Variants in RANBP2 observed in about 807,000 individuals in gnomAD.
RANBP2 encodes the protein E3 SUMO-protein ligase RanBP2.
In RANBP2, 57 loss-of-function variants were observed where a neutral mutation model predicts 303.6. That is an observed-to-expected ratio of 0.19 (90% CI 0.15 to 0.23). The LOEUF is 0.23. Ranked by LOEUF, RANBP2 falls within the 10% of genes least tolerant of loss-of-function variation. The pLI is 1.00. For synonymous variants in RANBP2, 1,167 were observed against 1,301.5 expected (o/e 0.90, Z 2.23); for missense variants, 3,138 against 3,780.8 (o/e 0.83, Z 4.46).
chr2:108,786,682 T>TCCCC (rs1553504714), downstream of RANBP2: 1 of 731,642 alleles, frequency 1.4e-6, no homozygotes, highest in African/African-American at 1.8e-5. Context: ...AGTCTCCGGG[T>TCCCC]CGCCCCGCCC....
chr2:109,360,139 C>T, the RANBP2 span, among the ~76,000 whole-genome samples: 1 of 151,844 alleles, frequency 6.6e-6, no homozygotes. Context: ...GAAAGCCTGC[C>T]ATTGTTTGTT....
At chr2:108,913,949 C>CAAA in the RANBP2 span, among the ~76,000 whole-genome samples, 83,142 of 108,682 alleles carry the variant, frequency 0.77, 33,107 homozygotes, top group East Asian at 0.88. Context: ...GATTCCGTCT[C>CAAA]AAAAAAAAAA....
the RANBP2 span, among the ~76,000 whole-genome samples, chr2:108,815,276 A>G: frequency 6.6e-6 from 1 of 152,050 alleles, no homozygotes; most frequent in Non-Finnish European, 1.5e-5. Context: ...GTGGTGATTC[A>G]TGCTCTTAAG....
the RANBP2 span, among the ~76,000 whole-genome samples, chr2:108,815,326 G>A: frequency 2.2e-4 from 33 of 151,756 alleles, no homozygotes; most frequent in Non-Finnish European, 3.8e-4. Context: ...TATCAAACTT[G>A]GATAAAGAAT....
the RANBP2 span, among the ~76,000 whole-genome samples, chr2:109,410,245 T>A: frequency 6.6e-6 from 1 of 152,188 alleles, no homozygotes; most frequent in Non-Finnish European, 1.5e-5. Flanking sequence ...ATGAAACACA[T>A]CGCCGTCACA....
At chr2:108,990,455 AAAAT>A in the RANBP2 span, among the ~76,000 whole-genome samples, 18 of 151,116 alleles carry the variant, frequency 1.2e-4, 1 homozygote. Context: ...AAAAAAAAAA[AAAAT>A]ATACAAAAAT....
At chr2:109,340,000 C>G in the RANBP2 span, among the ~76,000 whole-genome samples, 1 of 152,140 alleles carries the variant, frequency 6.6e-6, no homozygotes. Context: ...AGGAATTTGC[C>G]CACCTTGCTA....
the RANBP2 span, among the ~76,000 whole-genome samples, chr2:109,522,416 C>A: frequency 1.3e-5 from 2 of 151,960 alleles, no homozygotes; most frequent in Non-Finnish European, 2.9e-5. Context: ...CTCAGCCCCA[C>A]CCCCCAAGTA....
the RANBP2 span, among the ~76,000 whole-genome samples, chr2:109,242,252 A>G: frequency 2.0e-5 from 3 of 152,016 alleles, no homozygotes; most frequent in Non-Finnish European, 4.4e-5. Context: ...GGAGCTTTGT[A>G]GTCCTGAGGC....
At chr2:108,809,680 G>A in the RANBP2 span, among the ~76,000 whole-genome samples, 1 of 152,120 alleles carries the variant, frequency 6.6e-6, no homozygotes, top group Non-Finnish European at 1.5e-5. Flanking sequence ...TGTTGATTTT[G>A]TGTCCTTCAA....
chr2:109,142,052 G>GA, the RANBP2 span, among the ~76,000 whole-genome samples: 2 of 151,486 alleles, frequency 1.3e-5, no homozygotes, highest in Admixed American at 6.6e-5. Flanking sequence ...CTGGGGGGGG[G>GA]GTCTCAGGTA....
At chr2:108,834,982 T>C in the RANBP2 span, among the ~76,000 whole-genome samples, 315 of 152,372 alleles carry the variant, frequency 2.1e-3, 2 homozygotes, top group African/African-American at 7.0e-3. Flanking sequence ...AGCTCTTCAA[T>C]TGAAGTCAAA....
At chr2:109,178,806 G>T in the RANBP2 span, among the ~76,000 whole-genome samples, 3 of 152,160 alleles carry the variant, frequency 2.0e-5, no homozygotes, top group African/African-American at 7.2e-5. Flanking sequence ...AATGTTTAAT[G>T]AGCAAAATAA....
At chr2:109,298,303 G>A in the RANBP2 span, among the ~76,000 whole-genome samples, 730 of 133,156 alleles carry the variant, frequency 5.5e-3, 4 homozygotes, top group African/African-American at 0.018. Flanking sequence ...CTAGACAGGC[G>A]GGAAGGGAAG....
At chr2:109,340,582 T>C in the RANBP2 span, among the ~76,000 whole-genome samples, 2 of 152,224 alleles carry the variant, frequency 1.3e-5, no homozygotes, top group Admixed American at 6.5e-5. Context: ...GACCACTTCC[T>C]ACACTTAGAA....
chr2:109,220,759 GAAGATAAT>G, the RANBP2 span, among the ~76,000 whole-genome samples: 1 of 152,186 alleles, frequency 6.6e-6, no homozygotes, highest in Admixed American at 6.5e-5. Context: ...CCAAAAAGTA[GAAGATAAT>G]AAGGGTTAGG....
At chr2:109,324,940 G>A in the RANBP2 span, among the ~76,000 whole-genome samples, 2 of 152,172 alleles carry the variant, frequency 1.3e-5, no homozygotes, top group South Asian at 4.1e-4. Context: ...TTCCTATACA[G>A]TAATGACTAG....
the RANBP2 span, among the ~76,000 whole-genome samples, chr2:109,364,017 A>G: frequency 6.6e-6 from 1 of 152,040 alleles, no homozygotes; most frequent in Non-Finnish European, 1.5e-5. Flanking sequence ...AATTTGGAGA[A>G]ATTCTCAGTT....
At chr2:108,791,654 G>C in the RANBP2 span, 1 of 1,599,166 alleles carries the variant, frequency 6.3e-7, no homozygotes, top group Non-Finnish European at 8.5e-7. Flanking sequence ...AGATTGCTGT[G>C]ATACAATTAT....
Sources: gnomAD v4.1 joint callset for allele counts (sites outside exome capture counted in the v4.1 genomes callset) on GRCh38, gnomAD v4.1.1 for gene constraint, MANE v1.5 for transcripts, NCBI Gene and HGNC (gene_info 2026-07-23, HGNC 2026-07-21) for gene names.